Variants in KHDRBS3 observed in about 807,000 individuals in gnomAD.
KHDRBS3 encodes the protein KH RNA binding domain containing, signal transduction associated 3.
KHDRBS3 carries 23 observed loss-of-function variants against 45.6 expected under a neutral mutation model. The observed-to-expected ratio is 0.50, with a 90% CI of 0.36 to 0.72. The LOEUF is 0.72. Ranked by LOEUF, KHDRBS3 falls within the 30% of genes least tolerant of loss-of-function variation. The probability of loss-of-function intolerance (pLI) is 0.00; values close to 1 mark genes in which losing one functional copy is unlikely to be tolerated. For synonymous variants in KHDRBS3, 162 were observed against 156.5 expected (o/e 1.04, Z -0.26); for missense variants, 352 against 424.8 (o/e 0.83, Z 1.51).
chr8:135,506,027 G>A (rs1460568196), intron 1 of KHDRBS3, among the ~76,000 whole-genome samples: 1 of 152,156 alleles, frequency 6.6e-6, no homozygotes, highest in Non-Finnish European at 1.5e-5. Flanking sequence ...CAGCGTATAG[G>A]CGGGTAGGTG....
chr8:135,609,307 T>C (rs778004652), intron 7 of KHDRBS3, among the ~76,000 whole-genome samples: 3 of 151,826 alleles, frequency 2.0e-5, no homozygotes, highest in Non-Finnish European at 4.4e-5. Context: ...TTTTTTTTAC[T>C]TTGTAAATTT....
intron 7 of KHDRBS3, among the ~76,000 whole-genome samples, chr8:135,616,476 GTTC>G (rs1357234511): frequency 6.6e-6 from 1 of 152,154 alleles, no homozygotes; most frequent in Non-Finnish European, 1.5e-5. Context: ...ACTCTTTAAT[GTTC>G]TTGAGACTAC....
chr8:135,533,818 A>T lies in KHDRBS3; in HGVS notation c.208-8836A>T, dbSNP rs1391823228. On this transcript the variant is annotated intron_variant, in intron 2 of 8. Transcript: ENST00000355849. Reference sequence around the variant, plus strand: ...CCTAAGCTACTGAACATCAAAGCTTAGCCTAGCCTACCTTAAATATGTTCG... The same window carrying T: ...CCTAAGCTACTGAACATCAAAGCTTTGCCTAGCCTACCTTAAATATGTTCG... 2.6e-5 allele frequency among the ~76,000 whole-genome samples: 4 copies of T among 152,208 alleles called. No individual in the cohort carries two copies. In the East Asian group the frequency reaches 7.7e-4, roughly 29 times the overall value.
rs1410499980 is a variant in KHDRBS3 at position 135,583,431 on chromosome 8, C to T, written c.807+1358C>T. On this transcript the variant is annotated intron_variant, in intron 6 of 8. Transcript: ENST00000355849. ...CTCAGCTCTTCCATAAATGCTGAGTCTCCTGAAAGTATCAGGGACTCTAAA... is the reference window on the plus strand; with the variant it reads ...CTCAGCTCTTCCATAAATGCTGAGTTTCCTGAAAGTATCAGGGACTCTAAA... Among the ~76,000 whole-genome samples the T allele has an allele frequency of 5.3e-5, 8 of 152,328 alleles. No individual in the cohort carries two copies. In the East Asian group the frequency reaches 1.4e-3, roughly 26 times the overall value.
At chr8:135,588,388 C>T (rs2130951291) in intron 6 of KHDRBS3, among the ~76,000 whole-genome samples, 1 of 152,290 alleles carries the variant, frequency 6.6e-6, no homozygotes, top group Admixed American at 6.5e-5. Flanking sequence ...TGTGTCCTCA[C>T]CCAGCCTGCA....
At chr8:135,472,509 C>T (rs1822066464) in intron 1 of KHDRBS3, among the ~76,000 whole-genome samples, 1 of 149,142 alleles carries the variant, frequency 6.7e-6, no homozygotes, top group African/African-American at 2.5e-5. Context: ...GAATGAATGA[C>T]GTATGTGAAA....
chr8:135,503,336 G>A (rs1823829310), intron 1 of KHDRBS3, among the ~76,000 whole-genome samples: 1 of 152,176 alleles, frequency 6.6e-6, no homozygotes, highest in South Asian at 2.1e-4. Flanking sequence ...GCACTATGGA[G>A]GGAAGCCAAC....
intron 1 of KHDRBS3, among the ~76,000 whole-genome samples, chr8:135,476,588 G>A (rs897707282): frequency 5.9e-5 from 9 of 152,012 alleles, no homozygotes; most frequent in East Asian, 1.9e-4. Context: ...CTGCCTTTTC[G>A]TGCTAGGTGT....
chr8:135,635,103 AAAAC>A (rs1032389186), intron 7 of KHDRBS3, among the ~76,000 whole-genome samples: 2 of 152,120 alleles, frequency 1.3e-5, no homozygotes, highest in Admixed American at 1.3e-4. Context: ...ATTAGAAATT[AAAAC>A]AAACATTTAA....
chr8:135,612,931 C>CT (rs1829765406), intron 7 of KHDRBS3, among the ~76,000 whole-genome samples: 2 of 151,666 alleles, frequency 1.3e-5, no homozygotes, highest in African/African-American at 4.9e-5. Context: ...TCACCTATTT[C>CT]TTTTTACTTT....
intron 1 of KHDRBS3, among the ~76,000 whole-genome samples, chr8:135,491,139 C>T (rs1453827423): frequency 6.6e-6 from 1 of 152,022 alleles, no homozygotes; most frequent in Non-Finnish European, 1.5e-5. Flanking sequence ...GATGGTATTG[C>T]TCTCCTCTGC....
At chr8:135,646,946 G>A (rs915400386) in intron 8 of KHDRBS3, 47 bp from the exon 9 acceptor site, 5 of 1,008,706 alleles carry the variant, frequency 5.0e-6, no homozygotes, top group Non-Finnish European at 8.0e-6. Flanking sequence ...TGAAGCCTGT[G>A]GGATTCATGG....
At chr8:135,515,961 T>C (rs1310188735) in intron 1 of KHDRBS3, among the ~76,000 whole-genome samples, 1 of 152,238 alleles carries the variant, frequency 6.6e-6, no homozygotes, top group Non-Finnish European at 1.5e-5. Context: ...CATCCTTAGA[T>C]GATTTTGTTG....
At chr8:135,655,448 G>A (rs1831513371) in intron 4 of KHDRBS3, among the ~76,000 whole-genome samples, 1 of 152,230 alleles carries the variant, frequency 6.6e-6, no homozygotes, top group South Asian at 2.1e-4. Flanking sequence ...AGCTAATACA[G>A]GTGGGAGAGG....
chr8:135,516,570 TTGTGTGTGTG>T (rs56155377), intron 1 of KHDRBS3, among the ~76,000 whole-genome samples: 6 of 149,142 alleles, frequency 4.0e-5, no homozygotes, highest in African/African-American at 7.4e-5. Context: ...GTTTCTTACA[TTGTGTGTGTG>T]TGTGTGTGTG....
At chr8:135,551,496 T>C (rs1173287519) in intron 4 of KHDRBS3, among the ~76,000 whole-genome samples, 1 of 152,168 alleles carries the variant, frequency 6.6e-6, no homozygotes, top group African/African-American at 2.4e-5. Context: ...ATCTTTTTCC[T>C]CCTGAGATGA....
Position 135,582,089 on chromosome 8 carries a change from A to C in KHDRBS3, c.807+16A>C, listed in dbSNP as rs1245877612. On this transcript the variant is annotated intron_variant, in intron 6 of 8. Transcript: ENST00000355849. Reference sequence around the variant, plus strand: ...TGGAGAATATGTAAGTGAAGGTGTCAGACAACAGCCTTGTTCATCAGATTG... The same window carrying C: ...TGGAGAATATGTAAGTGAAGGTGTCCGACAACAGCCTTGTTCATCAGATTG... 3 of 1,519,302 alleles carry C rather than the reference A, an allele frequency of 2.0e-6. No individual in the cohort carries two copies. The highest frequency in any genetic ancestry group is 2.7e-6 in the Non-Finnish European group (3 of 1,126,108). The allele number at this position is 1,519,302 out of a possible 1,614,324, so 94.1% of individuals were successfully genotyped here. A position where few individuals can be genotyped will look rare whatever the true frequency, so the allele number is the denominator to read the frequency against.
At chr8:135,617,333 A>G (rs555140058) in intron 7 of KHDRBS3, among the ~76,000 whole-genome samples, 75 of 151,128 alleles carry the variant, frequency 5.0e-4, no homozygotes, top group African/African-American at 1.7e-3. Flanking sequence ...GCTGGCATAC[A>G]GTGGCACCAT....
chr8:135,645,070 A>G lies in KHDRBS3; in HGVS notation c.902A>G (p.Tyr301Cys), dbSNP rs756984938. 21 of 1,613,454 alleles carry G rather than the reference A, an allele frequency of 1.3e-5. No individual in the cohort carries two copies. Among genetic ancestry groups the G allele is most frequent in the Admixed American group, 3.3e-5 (2 of 60,006 alleles). Residue 301 changes from tyrosine to cysteine, a missense_variant, in exon 8 of 9, where the codon TAC becomes TGC. Physicochemically the swap from Tyr to Cys is radical, Grantham distance 194. Coordinates refer to ENST00000355849, the MANE Select transcript of KHDRBS3 (RefSeq NM_006558.3). ...TTGATCACTTGCAGTGGTGCTGATT[A>G]CTATGATTACGGACATGGACTCAGT... ...YSTPAQSGAD[Y>C]YDYGHGLSEE...
Sources: gnomAD v4.1 joint callset for allele counts (sites outside exome capture counted in the v4.1 genomes callset) on GRCh38, gnomAD v4.1.1 for gene constraint, MANE v1.5 for transcripts, NCBI Gene and HGNC (gene_info 2026-07-23, HGNC 2026-07-21) for gene names.